The following BEND7 variants were observed in gnomAD, a reference collection of about 807,000 sequenced individuals.
The protein encoded by BEND7 is BEN domain containing 7.
In BEND7, 28 loss-of-function variants were observed where a neutral mutation model predicts 50.9. The observed-to-expected ratio is 0.55, with a 90% CI of 0.41 to 0.75. BEND7 has a LOEUF of 0.75. Among genes scored for constraint, BEND7 ranks in the 30% least tolerant of loss-of-function variants. The probability of loss-of-function intolerance (pLI) is 0.00; values close to 1 mark genes in which losing one functional copy is unlikely to be tolerated. For synonymous variants in BEND7, 170 were observed against 183.9 expected (o/e 0.92, Z 0.61); for missense variants, 477 against 491.3 (o/e 0.97, Z 0.28).
intron 6 of BEND7, among the ~76,000 whole-genome samples, chr10:13,455,140 C>T (rs570507087): frequency 6.6e-6 from 1 of 152,228 alleles, no homozygotes; most frequent in East Asian, 1.9e-4. Context: ...CCACTGCACT[C>T]CAGCCTGGGT....
intron 3 of BEND7, among the ~76,000 whole-genome samples, chr10:13,498,075 T>TTC (rs1554779938): frequency 6.6e-5 from 6 of 90,994 alleles, no homozygotes; most frequent in African/African-American, 2.7e-4. Flanking sequence ...CTTTTTCTTT[T>TTC]TTTTTTTTTT....
chr10:13,492,669 G>A lies in BEND7; in HGVS notation c.779C>T (p.Ser260Phe), dbSNP rs777538404. ...TCCTAGAACGCGGCTCTCCTCCGGG[G>A]AGGTGTGCTCGGCTGCCTGGAGAGC... ...LSALQAAEHT[S>F]PEESRVLGFG... is the part of the protein sequence containing the mutation. Residue 260 changes from serine to phenylalanine, a missense_variant, in exon 5 of 9, where the codon TCC becomes TTC. Ser to Phe is a radical substitution (Grantham distance 155). This residue lies in a region of BEND7 where 396 missense variants were observed against 384.2 expected (regional missense o/e 1.03). Coordinates refer to ENST00000466271, the MANE Select transcript of BEND7 (RefSeq NM_001369863.1). 2.5e-6 allele frequency: 4 copies of A among 1,614,086 alleles called. No homozygotes were observed. Among genetic ancestry groups the A allele is most frequent in the Non-Finnish European group, 3.4e-6 (4 of 1,180,042 alleles).
intron 4 of BEND7, among the ~76,000 whole-genome samples, chr10:13,494,798 CT>C (rs2076919936): frequency 6.6e-6 from 1 of 152,246 alleles, no homozygotes; most frequent in African/African-American, 2.4e-5. Flanking sequence ...GATCTTACCT[CT>C]AGGTCTTATT....
chr10:13,475,866 AAATTAAATAGGGTTACTTAATTTC>A (rs1318843764), intron 6 of BEND7, among the ~76,000 whole-genome samples: 3 of 152,340 alleles, frequency 2.0e-5, no homozygotes, highest in Middle Eastern at 6.8e-3. Flanking sequence ...ACTGGTGTTT[AAATTAAATAGGGTTACTTAATTTC>A]TCATAGCCTC....
At chr10:13,449,696 T>G (rs186157583) in intron 7 of BEND7, among the ~76,000 whole-genome samples, 126 of 152,344 alleles carry the variant, frequency 8.3e-4, no homozygotes, top group Non-Finnish European at 1.4e-3. Context: ...TAAACTGACC[T>G]TCCTTTTGTA....
At chr10:13,494,371 T>C (rs1314591492) in intron 4 of BEND7, among the ~76,000 whole-genome samples, 2 of 152,138 alleles carry the variant, frequency 1.3e-5, no homozygotes, top group African/African-American at 2.4e-5. Flanking sequence ...GAGCCGAGAT[T>C]ACGCCACTGC....
rs761919293 is a variant in BEND7 at position 13,492,926 on chromosome 10, G to A, written c.572-50C>T. 3 of 1,568,592 alleles carry A rather than the reference G, an allele frequency of 1.9e-6. No homozygotes were observed. In the South Asian group the frequency reaches 3.6e-5, roughly 19 times the overall value. On this transcript the variant is annotated intron_variant, in intron 4 of 8. Coordinates refer to ENST00000466271, the MANE Select transcript of BEND7 (RefSeq NM_001369863.1). ...GTACAGGCACGTGTGTCTGACTTAG[G>A]AAAACTTATCTCCGGTCTATCCATG...
At chr10:13,454,942 C>T (rs1409408690) in intron 6 of BEND7, among the ~76,000 whole-genome samples, 1 of 152,008 alleles carries the variant, frequency 6.6e-6, no homozygotes, top group East Asian at 1.9e-4. Flanking sequence ...GAGGCCAAGG[C>T]GGGTGGATCA....
chr10:13,455,181 CACAACAAAACAA>C (rs1421799095), intron 6 of BEND7, among the ~76,000 whole-genome samples: 2 of 151,718 alleles, frequency 1.3e-5, no homozygotes, highest in Non-Finnish European at 1.5e-5. Context: ...CAAACAAACA[CACAACAAAACAA>C]AACAAAACAA....
intron 2 of BEND7, among the ~76,000 whole-genome samples, chr10:13,515,088 C>A (rs1025013312): frequency 6.6e-6 from 1 of 152,306 alleles, no homozygotes; most frequent in East Asian, 1.9e-4. Context: ...GAACACATCA[C>A]TTATTTTATC....
intron 2 of BEND7, among the ~76,000 whole-genome samples, chr10:13,521,387 A>C (rs181693311): frequency 4.0e-4 from 61 of 152,334 alleles, no homozygotes; most frequent in Non-Finnish European, 6.8e-4. Flanking sequence ...TAACATTTAC[A>C]AAGTCCTTTA....
At chr10:13,515,975 G>A (rs1028513239) in intron 2 of BEND7, among the ~76,000 whole-genome samples, 11 of 152,160 alleles carry the variant, frequency 7.2e-5, no homozygotes, top group African/African-American at 1.9e-4. Flanking sequence ...CTCATGCGCC[G>A]CATGGGACAA....
chr10:13,499,726 G>C (rs61833900), intron 3 of BEND7, 52 bp downstream of exon 3: 3 of 1,106,938 alleles, frequency 2.7e-6, no homozygotes, highest in East Asian at 2.4e-5. Flanking sequence ...TTTAGAAATA[G>C]AACAGTACAA....
At chr10:13,449,599 C>T (rs536513581) in intron 7 of BEND7, among the ~76,000 whole-genome samples, 1 of 152,134 alleles carries the variant, frequency 6.6e-6, no homozygotes, top group Non-Finnish European at 1.5e-5. Context: ...CTTAAATCTT[C>T]GAGTTCTAGT....
intron 8 of BEND7, chr10:13,442,081 A>G (rs1415192118): frequency 3.1e-6 from 1 of 318,020 alleles, no homozygotes; most frequent in Non-Finnish European, 5.8e-6. Context: ...TGTGACATGA[A>G]TACCTTGGAC....
intron 1 of BEND7, among the ~76,000 whole-genome samples, 166 bp downstream of exon 1, chr10:13,528,307 C>G (rs1024023964): frequency 2.6e-5 from 4 of 151,694 alleles, no homozygotes; most frequent in African/African-American, 9.7e-5. Flanking sequence ...CTTTCCCCGC[C>G]GCCCGGCGTG....
chr10:13,451,365 T>A (rs1224820719), intron 7 of BEND7, among the ~76,000 whole-genome samples: 1 of 151,172 alleles, frequency 6.6e-6, no homozygotes, highest in African/African-American at 2.4e-5. Flanking sequence ...ATTTTTAAGA[T>A]TTTTTTCTTT....
At chr10:13,439,080 A>C, downstream of BEND7, 2 of 1,236,094 alleles carry the variant, frequency 1.6e-6, no homozygotes, top group South Asian at 3.0e-5. Context: ...TGTTTTCACC[A>C]GGGCCTGAAA....
At chr10:13,468,487 G>A (rs921832139) in intron 6 of BEND7, among the ~76,000 whole-genome samples, 1 of 152,200 alleles carries the variant, frequency 6.6e-6, no homozygotes, top group Non-Finnish European at 1.5e-5. Context: ...AAGTTACGGA[G>A]TCTTGGAAAA....
Sources: allele counts gnomAD v4.1 joint callset (sites outside exome capture counted in the v4.1 genomes callset), GRCh38; gene constraint gnomAD v4.1.1; regional missense constraint gnomAD v4.1.1; transcripts MANE v1.5; gene names NCBI Gene and HGNC (gene_info 2026-07-23, HGNC 2026-07-21).